The following PRPF38B variants were observed in gnomAD, a reference collection of about 807,000 sequenced individuals.
PRPF38B encodes the protein pre-mRNA-splicing factor 38B.
A neutral mutation model predicts 67.2 loss-of-function variants in PRPF38B; 18 were observed. The ratio of observed to expected loss-of-function variants is 0.27; its 90% CI spans 0.19 to 0.40. The LOEUF is 0.40. PRPF38B is among the 10% of genes least tolerant of loss of function. The pLI is 1.00. For missense variants in PRPF38B, 544 were observed against 684.9 expected (o/e 0.79, Z 2.30); for synonymous variants, 246 against 234.2 (o/e 1.05, Z -0.46).
chr1:108,695,691 T>C lies in PRPF38B; in HGVS notation c.277-11T>C. The C allele has an allele frequency of 6.2e-7, 1 of 1,613,592 alleles. No individual in the cohort carries two copies. The highest frequency in any genetic ancestry group is 1.1e-5 in the South Asian group (1 of 91,026). On this transcript the variant is annotated splice_polypyrimidine_tract_variant and intron_variant, in intron 1 of 5. Coordinates refer to ENST00000370025, the MANE Select transcript of PRPF38B (RefSeq NM_018061.4). ...ATGAATGTTTGTTGTGTTCCTCTTT[T>C]CTATTTTCAGGTCACGCACGTTGAA...
At position 108,696,330 on chromosome 1, in the gene PRPF38B, A is replaced by G; in HGVS notation, c.551A>G (p.Asp184Gly). Residue 184 changes from aspartate (D) to glycine (G), a missense_variant, in exon 4 of 6, where the codon GAT becomes GGT. By Grantham distance (94) the Asp-to-Gly change is moderately conservative. Transcript: ENST00000370025. ...LWDWFESFLD[D>G]EEDLDVKAGG... ...GACTGGTTTGAATCCTTCCTTGATG[A>G]TGAAGAGGTATGTCAACAAGGGTAA... 6.2e-7 allele frequency: 1 copy of G among 1,608,476 alleles called. No individual in the cohort carries two copies. Among genetic ancestry groups the G allele is most frequent in the Non-Finnish European group, 8.5e-7 (1 of 1,176,030 alleles).
Position 108,692,597 on chromosome 1 carries a change from T to C in PRPF38B, c.6T>C (p.Ala2=), listed in dbSNP as rs753776543. Residue 2 remains alanine, a synonymous_variant, in exon 1 of 6, where the codon GCT becomes GCC. Transcript: ENST00000370025. ...CTCCTTCCTTCCGCCGCAACATGGC[T>C]AACAACAGCCCCGCGCTGACAGGCA... M[A]NNSPALTGNS... The C allele has an allele frequency of 2.1e-6, 3 of 1,420,296 alleles. No homozygotes were observed. Among genetic ancestry groups the C allele is most frequent in the South Asian group, 2.3e-5 (2 of 85,910 alleles). 88.0% of individuals were successfully genotyped at this position (1,420,296 alleles called of 1,614,324 possible). A position where few individuals can be genotyped will look rare whatever the true frequency, so the allele number is the denominator to read the frequency against.
intron 5 of PRPF38B, 87 bp from the exon 6 acceptor site, chr1:108,699,075 T>G: frequency 6.6e-7 from 1 of 1,518,296 alleles, no homozygotes; most frequent in Admixed American, 2.3e-5. Context: ...AGGACATGAA[T>G]AAATAATGCT....
intron 4 of PRPF38B, chr1:108,698,149 A>G (rs1157307416): frequency 1.3e-5 from 2 of 152,624 alleles, no homozygotes; most frequent in African/African-American, 4.8e-5. Context: ...TATTGCTTCC[A>G]GTTTTATTAG....
intron 4 of PRPF38B, chr1:108,698,304 A>G: frequency 3.8e-6 from 1 of 266,396 alleles, no homozygotes; most frequent in Non-Finnish European, 7.1e-6. Flanking sequence ...GGTATGTGGA[A>G]TGTAAATTTA....
rs149947683 is a variant in PRPF38B at position 108,701,307 on chromosome 1, A to G, written c.*1287A>G. The G allele has an allele frequency of 1.6e-3, 241 of 152,762 alleles. No homozygotes were observed. Among genetic ancestry groups the G allele is most frequent in the African/African-American group, 5.6e-3 (234 of 41,574 alleles). 9.5% of individuals were successfully genotyped at this position (152,762 alleles called of 1,614,324 possible). On this transcript the variant is annotated 3_prime_UTR_variant, in exon 6 of 6. Transcript: ENST00000370025. Reference sequence around the variant, plus strand: ...AGGGATGTCTTAGTGCCCAGATGACAAGTGAATTTTGGAGAAATGCATAGA... The same window carrying G: ...AGGGATGTCTTAGTGCCCAGATGACGAGTGAATTTTGGAGAAATGCATAGA...
At chr1:108,695,470 C>T (rs1003564672) in intron 1 of PRPF38B, among the ~76,000 whole-genome samples, 3 of 152,116 alleles carry the variant, frequency 2.0e-5, no homozygotes, top group Admixed American at 1.3e-4. Context: ...GGGATTTCTC[C>T]TCTGCAAAGC....
intron 3 of PRPF38B, 36 bp downstream of exon 3, chr1:108,696,230 C>CT: frequency 7.4e-6 from 12 of 1,610,786 alleles, no homozygotes; most frequent in Non-Finnish European, 1.0e-5. Context: ...CAGTAAATAT[C>CT]TCATTTTAAT....
At chr1:108,695,660 C>G (rs1361243752) in intron 1 of PRPF38B, 42 bp from the exon 2 acceptor site, 1 of 1,591,958 alleles carries the variant, frequency 6.3e-7, no homozygotes, top group African/African-American at 1.3e-5. Flanking sequence ...TAAACAAATT[C>G]AAAGTATGAA....
chr1:108,693,956 A>G (rs1450203187), intron 1 of PRPF38B, among the ~76,000 whole-genome samples: 1 of 152,220 alleles, frequency 6.6e-6, no homozygotes, highest in Admixed American at 6.5e-5. Flanking sequence ...AGTGTTTTCT[A>G]TCATTTGAAC....
intron 1 of PRPF38B, 72 bp from the exon 2 acceptor site, chr1:108,695,630 G>T: frequency 6.7e-7 from 1 of 1,483,896 alleles, no homozygotes. Flanking sequence ...ATGGACTTGG[G>T]TTTACTTTTA....
chr1:108,698,718 G>T lies in PRPF38B; in HGVS notation c.673G>T (p.Val225Phe). Residue 225 changes from valine (V) to phenylalanine (F), a missense_variant, in exon 5 of 6, where the codon GTT becomes TTT. Val to Phe is a conservative substitution (Grantham distance 50). This residue lies in a region of PRPF38B where 57 missense variants were observed against 122.7 expected (regional missense o/e 0.46). Transcript: ENST00000370025. ...CTTGTTTCCAAGAATTCCAGTTCCA[G>T]TTCAAAAGAATATTGATCAACAGAT... Reference protein sequence around the residue: ...STLFPRIPVPVQKNIDQQIKT... With the variant: ...STLFPRIPVPFQKNIDQQIKT... 1 of 1,613,792 alleles carries T rather than the reference G, an allele frequency of 6.2e-7. No homozygotes were observed. The highest frequency in any genetic ancestry group is 8.5e-7 in the Non-Finnish European group (1 of 1,179,826).
intron 1 of PRPF38B, among the ~76,000 whole-genome samples, chr1:108,694,743 CA>C (rs1659689518): frequency 6.6e-6 from 1 of 151,468 alleles, no homozygotes; most frequent in Non-Finnish European, 1.5e-5. Context: ...AGTGAAAAAA[CA>C]GGATTTTTTT....
chr1:108,701,682 G>A lies in PRPF38B; in HGVS notation c.*1662G>A, dbSNP rs1660512304. 1 of 152,124 alleles carries A rather than the reference G, an allele frequency of 6.6e-6. No homozygotes were observed. The highest frequency in any genetic ancestry group is 2.1e-4 in the South Asian group (1 of 4,834). 9.4% of individuals were successfully genotyped at this position (152,124 alleles called of 1,614,324 possible). ...CTGGCCAACTAATGCGCACTCAGAA[G>A]CCACCTTGCAAAAATGTTAAATGGA... On this transcript the variant is annotated 3_prime_UTR_variant, in exon 6 of 6. Coordinates refer to ENST00000370025, the MANE Select transcript of PRPF38B (RefSeq NM_018061.4).
At chr1:108,693,666 A>T in intron 1 of PRPF38B, 2 of 958,576 alleles carry the variant, frequency 2.1e-6, no homozygotes, top group Non-Finnish European at 2.5e-6. Context: ...ATCATGCTCA[A>T]TCGCCATAAA....
At position 108,692,605 on chromosome 1, in the gene PRPF38B, G is replaced by T. The variant is rs764980842; in HGVS notation, c.14G>T (p.Ser5Ile). Reference protein sequence around the residue: MANNSPALTGNSQPQ... With the variant: MANNIPALTGNSQPQ... ...TTCCGCCGCAACATGGCTAACAACA[G>T]CCCCGCGCTGACAGGCAACTCGCAG... The change falls in exon 1 of 6, where the codon AGC (serine) becomes ATC (isoleucine). Residue 5 changes from serine to isoleucine, a missense_variant. This residue lies in a region of PRPF38B where 70 missense variants were observed against 58.4 expected (regional missense o/e 1.20). Transcript: ENST00000370025. 7 of 1,529,884 alleles carry T rather than the reference G, an allele frequency of 4.6e-6. No homozygotes were observed. Among genetic ancestry groups the T allele is most frequent in the East Asian group, 2.6e-5 (1 of 38,814 alleles). The allele number at this position is 1,529,884 out of a possible 1,614,324, so 94.8% of individuals were successfully genotyped here.
intron 4 of PRPF38B, chr1:108,696,809 G>A (rs1659905007): frequency 9.9e-6 from 7 of 709,626 alleles, no homozygotes; most frequent in Non-Finnish European, 1.3e-5. Context: ...TTGAAGAGTT[G>A]GGTGTTACAT....
At position 108,700,248 on chromosome 1, in the gene PRPF38B, T is replaced by G; in HGVS notation, c.*228T>G. On this transcript the variant is annotated 3_prime_UTR_variant, in exon 6 of 6. Transcript: ENST00000370025. ...ATGATGCACAGATTGTTCTTGCATT[T>G]TTATTGTTTGTTTTTGAAATGTACA... 1.4e-6 allele frequency: 1 copy of G among 690,644 alleles called. No individual in the cohort carries two copies. Among genetic ancestry groups the G allele is most frequent in the Non-Finnish European group, 2.1e-6 (1 of 478,186 alleles). 42.8% of individuals were successfully genotyped at this position (690,644 alleles called of 1,614,324 possible).
intron 2 of PRPF38B, 124 bp from the exon 3 acceptor site, chr1:108,695,919 T>A: frequency 7.4e-7 from 1 of 1,358,874 alleles, no homozygotes; most frequent in Non-Finnish European, 1.0e-6. Flanking sequence ...TAGAAAAGTG[T>A]TACTTTTTAA....
Sources: gnomAD v4.1 joint callset for allele counts (sites outside exome capture counted in the v4.1 genomes callset) on GRCh38, gnomAD v4.1.1 for gene constraint, gnomAD v4.1.1 regional missense constraint, MANE v1.5 for transcripts, NCBI Gene and HGNC (gene_info 2026-07-23, HGNC 2026-07-21) for gene names.